The following SHLD1 variants were observed in gnomAD, a reference collection of about 807,000 sequenced individuals.
SHLD1 encodes RINN1-REV7-interacting novel NHEJ regulator 3.
A neutral mutation model predicts 5.5 loss-of-function variants in SHLD1; 3 were observed. That is an observed-to-expected ratio of 0.54 (90% CI 0.25 to 1.40). The LOEUF is 1.40. Ranked by LOEUF, SHLD1 falls within the 40% of genes most tolerant of loss-of-function variation. The probability of loss-of-function intolerance (pLI) is 0.15; values close to 1 mark genes in which losing one functional copy is unlikely to be tolerated. For missense variants in SHLD1, 210 were observed against 244.4 expected, an observed-to-expected ratio of 0.86 and a Z score of 0.94; for synonymous variants, 92 against 94.3, an observed-to-expected ratio of 0.98 and a Z score of 0.14.
intron 2 of SHLD1, among the ~76,000 whole-genome samples, chr20:5,829,989 A>C (rs2087709113): frequency 6.6e-6 from 1 of 152,218 alleles, no homozygotes; most frequent in African/African-American, 2.4e-5. Flanking sequence ...GATTTGGTAC[A>C]GATCTGGTAT....
intron 2 of SHLD1, among the ~76,000 whole-genome samples, chr20:5,796,402 C>T (rs2087213111): frequency 7.1e-6 from 1 of 139,984 alleles, no homozygotes; most frequent in Non-Finnish European, 1.6e-5. Context: ...TTGAGTTGCC[C>T]CTCTAGAGTT....
chr20:5,774,099 G>A (rs1985316450), intron 2 of SHLD1, among the ~76,000 whole-genome samples: 1 of 152,134 alleles, frequency 6.6e-6, no homozygotes, highest in Non-Finnish European at 1.5e-5. Context: ...AGCTACTCGG[G>A]AGGCTGAAGC....
chr20:5,821,100 C>T (rs1345458920), intron 2 of SHLD1, among the ~76,000 whole-genome samples: 3 of 152,200 alleles, frequency 2.0e-5, no homozygotes, highest in Non-Finnish European at 4.4e-5. Context: ...GCTTAATCAA[C>T]TGAGAAAATA....
rs11905280 is a variant in SHLD1 at position 5,810,894 on chromosome 20, A to G, written c.178+37851A>G. The stretch of plus-strand genomic sequence containing the variant: ...CAGAGTGAGACTCTGTCTCAAAAAA[A>G]AAAAAAAAAGATAATTCTGTTATAT... On this transcript the variant is annotated intron_variant, in intron 2 of 2. Coordinates refer to ENST00000303142, the MANE Select transcript of SHLD1 (RefSeq NM_152504.4). Among the ~76,000 whole-genome samples, 677 of 152,006 alleles carry G rather than the reference A, an allele frequency of 4.5e-3. 7 individuals carry two copies. Among genetic ancestry groups the G allele is most frequent in the African/African-American group, 0.015 (638 of 41,456 alleles).
chr20:5,752,934 A>G (rs1336164991), intron 1 of SHLD1, among the ~76,000 whole-genome samples: 1 of 152,160 alleles, frequency 6.6e-6, no homozygotes, highest in Non-Finnish European at 1.5e-5. Flanking sequence ...AGCTGGGATT[A>G]CAGGCACGCA....
intron 2 of SHLD1, among the ~76,000 whole-genome samples, chr20:5,787,634 T>C (rs1439721963): frequency 6.6e-6 from 1 of 152,182 alleles, no homozygotes; most frequent in Admixed American, 6.6e-5. Flanking sequence ...GCCTAGACCC[T>C]GGTGTGAGTA....
intron 1 of SHLD1, among the ~76,000 whole-genome samples, chr20:5,764,137 A>ATGT (rs1450130967): frequency 1.0e-5 from 1 of 95,862 alleles, no homozygotes; most frequent in Non-Finnish European, 1.9e-5. Flanking sequence ...AAAAAAAAAA[A>ATGT]AAATATATAT....
intron 2 of SHLD1, among the ~76,000 whole-genome samples, chr20:5,787,820 G>C (rs192250465): frequency 6.6e-6 from 1 of 152,344 alleles, no homozygotes; most frequent in Admixed American, 6.5e-5. Context: ...TTAAAGCTCT[G>C]TGTGATCTGT....
chr20:5,859,440 G>A (rs116493161), intron 2 of SHLD1, among the ~76,000 whole-genome samples: 3,457 of 152,254 alleles, frequency 0.023, 60 homozygotes, highest in Middle Eastern at 0.044. Context: ...CCCTGAAGAC[G>A]TTGCTATCCC....
At chr20:5,776,532 G>A (rs1424907195) in intron 2 of SHLD1, among the ~76,000 whole-genome samples, 7 of 152,246 alleles carry the variant, frequency 4.6e-5, no homozygotes, top group Non-Finnish European at 8.8e-5. Flanking sequence ...GGAGGCCGAG[G>A]CGGGTGCATC....
At chr20:5,839,086 T>C (rs2122462037) in intron 2 of SHLD1, among the ~76,000 whole-genome samples, 1 of 152,348 alleles carries the variant, frequency 6.6e-6, no homozygotes, top group South Asian at 2.1e-4. Context: ...AGTAGATGCA[T>C]GTGATATTAA....
chr20:5,775,734 G>T (rs535743001), intron 2 of SHLD1, among the ~76,000 whole-genome samples: 1 of 152,092 alleles, frequency 6.6e-6, no homozygotes, highest in South Asian at 2.1e-4. Flanking sequence ...GAGCCACTTA[G>T]CCCCTCTGTA....
intron 1 of SHLD1, among the ~76,000 whole-genome samples, chr20:5,759,018 G>T (rs914766590): frequency 1.4e-5 from 2 of 143,038 alleles, no homozygotes; most frequent in African/African-American, 5.2e-5. Flanking sequence ...GCAATGGCGC[G>T]ATCTCTGCTC....
chr20:5,840,510 G>A (rs543688205), intron 2 of SHLD1, among the ~76,000 whole-genome samples: 7 of 152,274 alleles, frequency 4.6e-5, no homozygotes, highest in East Asian at 3.9e-4. Flanking sequence ...AGGCAGCATC[G>A]TTCTGGAACT....
intron 2 of SHLD1, among the ~76,000 whole-genome samples, chr20:5,843,062 T>C (rs1163471739): frequency 2.6e-5 from 4 of 152,210 alleles, no homozygotes; most frequent in African/African-American, 9.6e-5. Context: ...GTTTTTTCCC[T>C]GTGCATTTTG....
At chr20:5,857,827 C>T (rs2088108975) in intron 2 of SHLD1, among the ~76,000 whole-genome samples, 1 of 151,778 alleles carries the variant, frequency 6.6e-6, no homozygotes, top group African/African-American at 2.4e-5. Flanking sequence ...AAACCAGGTG[C>T]CCTGGCTCAC....
intron 1 of SHLD1, among the ~76,000 whole-genome samples, chr20:5,754,744 T>G (rs1600082392): frequency 6.6e-6 from 1 of 152,308 alleles, no homozygotes; most frequent in East Asian, 1.9e-4. Flanking sequence ...CCTGAAGTGT[T>G]GAAATCAGCA....
At chr20:5,808,419 G>C (rs1278235641) in intron 2 of SHLD1, among the ~76,000 whole-genome samples, 2 of 152,028 alleles carry the variant, frequency 1.3e-5, no homozygotes, top group Admixed American at 6.6e-5. Flanking sequence ...TGTGTATATT[G>C]TACACACACA....
chr20:5,812,973 C>T (rs35411678), intron 2 of SHLD1, among the ~76,000 whole-genome samples: 52,477 of 151,820 alleles, frequency 0.35, 10,778 homozygotes, highest in Non-Finnish European at 0.45. Flanking sequence ...CTCCCAGGCT[C>T]AGGTGACACT....
Sources: gnomAD v4.1 joint callset for allele counts (sites outside exome capture counted in the v4.1 genomes callset) on GRCh38, gnomAD v4.1.1 for gene constraint, MANE v1.5 for transcripts, NCBI Gene and HGNC (gene_info 2026-07-23, HGNC 2026-07-21) for gene names.